The following MAP7 variants were observed in gnomAD, a reference collection of about 807,000 sequenced individuals.
MAP7 encodes the protein ensconsin.
Under a neutral mutation model 94.8 loss-of-function variants are expected in MAP7, and 52 were observed. The observed-to-expected ratio is 0.55, with a 90% CI of 0.44 to 0.69. The LOEUF (loss-of-function observed/expected upper bound fraction) is 0.69. Ranked by LOEUF, MAP7 falls within the 30% of genes least tolerant of loss-of-function variation. MAP7 has a pLI of 0.00. For synonymous variants in MAP7, 350 were observed against 357.0 expected (o/e 0.98, Z 0.22); for missense variants, 940 against 964.6 (o/e 0.97, Z 0.34).
intron 1 of MAP7, among the ~76,000 whole-genome samples, chr6:136,530,842 C>T (rs996743125): frequency 2.1e-5 from 3 of 145,092 alleles, no homozygotes; most frequent in Middle Eastern, 3.4e-3. Flanking sequence ...GCCCTAGTAG[C>T]GGTGATGCCA....
At chr6:136,518,783 A>G (rs901895604) in intron 1 of MAP7, among the ~76,000 whole-genome samples, 2 of 152,224 alleles carry the variant, frequency 1.3e-5, no homozygotes, top group African/African-American at 4.8e-5. Flanking sequence ...ATTCAATTCA[A>G]ACCCAGACTA....
intron 1 of MAP7, among the ~76,000 whole-genome samples, chr6:136,520,254 A>C (rs147063066): frequency 1.5e-3 from 234 of 152,088 alleles, no homozygotes; most frequent in African/African-American, 5.5e-3. Flanking sequence ...AGACAACAAC[A>C]AAGAGATAAT....
At chr6:136,422,974 C>T (rs1343896687) in intron 1 of MAP7, among the ~76,000 whole-genome samples, 3 of 152,098 alleles carry the variant, frequency 2.0e-5, no homozygotes, top group African/African-American at 7.2e-5. Context: ...AGTTGAGTGG[C>T]GAGAAAGTTA....
chr6:136,412,068 C>A (rs1562370352), intron 2 of MAP7, among the ~76,000 whole-genome samples: 1 of 152,130 alleles, frequency 6.6e-6, no homozygotes, highest in Non-Finnish European at 1.5e-5. Flanking sequence ...CTTTATACTG[C>A]ACAAATGTTT....
At position 136,343,889 on chromosome 6, in the gene MAP7, C is replaced by G. The variant is rs45513293; in HGVS notation, c.*339G>C. Reference sequence around the variant, plus strand: ...AATTTTACATGTTAAGCTTTTAAGACCAAAAAAATCATGCCTAGTCAGCCC... The same window carrying G: ...AATTTTACATGTTAAGCTTTTAAGAGCAAAAAAATCATGCCTAGTCAGCCC... On this transcript the variant is annotated 3_prime_UTR_variant, in exon 18 of 18. Transcript: ENST00000354570. The G allele has an allele frequency of 4.9e-3, 855 of 175,294 alleles. 2 individuals carry two copies. The highest frequency in any genetic ancestry group is 7.2e-3 in the Non-Finnish European group (602 of 83,708). The allele number at this position is 175,294 out of a possible 1,614,324, so 10.9% of individuals were successfully genotyped here.
chr6:136,448,309 C>T (rs1315615862), intron 1 of MAP7, among the ~76,000 whole-genome samples: 2 of 152,198 alleles, frequency 1.3e-5, no homozygotes, highest in Non-Finnish European at 2.9e-5. Context: ...ATGAACCTAA[C>T]TTGCAATAAG....
intron 5 of MAP7, among the ~76,000 whole-genome samples, chr6:136,385,679 ATTTG>A (rs1218685051): frequency 6.6e-6 from 1 of 152,224 alleles, no homozygotes; most frequent in African/African-American, 2.4e-5. Flanking sequence ...CACACCATGA[ATTTG>A]TTTATTACTT....
At chr6:136,435,969 C>G (rs534827205) in intron 1 of MAP7, among the ~76,000 whole-genome samples, 2 of 152,106 alleles carry the variant, frequency 1.3e-5, no homozygotes, top group Non-Finnish European at 2.9e-5. Flanking sequence ...ATCAGTTATA[C>G]ATGAAATATT....
At chr6:136,440,174 T>C (rs1242596435) in intron 1 of MAP7, among the ~76,000 whole-genome samples, 3 of 152,174 alleles carry the variant, frequency 2.0e-5, no homozygotes, top group Non-Finnish European at 4.4e-5. Flanking sequence ...CGGGTGACTA[T>C]GAATATAATC....
In MAP7 at chr6:136,468,358, T is replaced by C. The variant is rs370118308; in HGVS notation, c.68-46559A>G. On this transcript the variant is annotated intron_variant, in intron 1 of 17. Transcript: ENST00000354570. Reference sequence around the variant, plus strand: ...CTGGTCTAATCTCACAACAACCCTATTATGACGCCAGTTTTACAGATGAGG... The same window carrying C: ...CTGGTCTAATCTCACAACAACCCTACTATGACGCCAGTTTTACAGATGAGG... 2.0e-5 allele frequency among the ~76,000 whole-genome samples: 3 copies of C among 152,246 alleles called. No homozygotes were observed. In the South Asian group the frequency reaches 6.2e-4, roughly 32 times the overall value.
At chr6:136,351,921 T>C (rs904547032) in intron 16 of MAP7, among the ~76,000 whole-genome samples, 4 of 152,152 alleles carry the variant, frequency 2.6e-5, no homozygotes, top group African/African-American at 9.7e-5. Flanking sequence ...CAGTGCACAG[T>C]GGCCAGCAGC....
chr6:136,491,379 C>T (rs1816551244), intron 1 of MAP7, among the ~76,000 whole-genome samples: 1 of 152,170 alleles, frequency 6.6e-6, no homozygotes. Flanking sequence ...AGACAGATGA[C>T]AACCAGCAAG....
chr6:136,377,233 C>G (rs1776437784), intron 7 of MAP7, among the ~76,000 whole-genome samples: 1 of 152,190 alleles, frequency 6.6e-6, no homozygotes, highest in Admixed American at 6.5e-5. Context: ...AAGCATATTA[C>G]AATTAGCCTA....
intron 16 of MAP7, among the ~76,000 whole-genome samples, chr6:136,356,397 C>T (rs1235849570): frequency 2.6e-5 from 4 of 152,144 alleles, no homozygotes; most frequent in Non-Finnish European, 5.9e-5. Context: ...AACTCTCAGC[C>T]TTAAGTAATC....
intron 1 of MAP7, among the ~76,000 whole-genome samples, chr6:136,518,566 T>G (rs924410741): frequency 6.6e-6 from 1 of 152,208 alleles, no homozygotes; most frequent in African/African-American, 2.4e-5. Flanking sequence ...ATATAACATA[T>G]GGAAGGTGCA....
intron 1 of MAP7, among the ~76,000 whole-genome samples, chr6:136,504,662 C>A (rs1312442811): frequency 1.3e-5 from 2 of 150,394 alleles, no homozygotes; most frequent in East Asian, 4.0e-4. Context: ...ATAAATATAT[C>A]TTTTAATATA....
intron 1 of MAP7, among the ~76,000 whole-genome samples, chr6:136,443,762 C>G: frequency 6.6e-6 from 1 of 151,920 alleles, no homozygotes; most frequent in East Asian, 1.9e-4. Flanking sequence ...CTTCTACTTT[C>G]GTAAGGCACA....
rs2128583471 is a variant in MAP7, at chr6:136,365,904, G to A, written c.1104C>T (p.Asn368=). The change falls in exon 10 of 18, where the codon AAC becomes AAT. Residue 368 remains asparagine, a synonymous_variant. Transcript: ENST00000354570. ...TGACTTCCCTCTTGACAGGGCGGAT[G>A]TTGCCGGGGGATGGGGGCCGGACCT... ...PAQVRPPSPG[N]IRPVKREVKV... is the part of the protein sequence containing the mutation. 6.2e-7 allele frequency: 1 copy of A among 1,614,162 alleles called. No individual in the cohort carries two copies. Among genetic ancestry groups the A allele is most frequent in the East Asian group, 2.2e-5 (1 of 44,868 alleles).
At chr6:136,549,483 C>A (rs545440610) in intron 1 of MAP7, among the ~76,000 whole-genome samples, 8 of 151,954 alleles carry the variant, frequency 5.3e-5, no homozygotes, top group Non-Finnish European at 7.4e-5. Context: ...GAGAGATGGG[C>A]GGGGTTGGGA....
Sources: allele counts gnomAD v4.1 joint callset (sites outside exome capture counted in the v4.1 genomes callset), GRCh38; gene constraint gnomAD v4.1.1; transcripts MANE v1.5; gene names NCBI Gene and HGNC (gene_info 2026-07-23, HGNC 2026-07-21).